The following NKX1-2 variants were observed in gnomAD, a reference collection of about 807,000 sequenced individuals.
NKX1-2 encodes the protein NK1 transcription factor-related protein 2.
Under a neutral mutation model 4.4 loss-of-function variants are expected in NKX1-2, and 1 was observed. The observed-to-expected ratio is 0.23, with a 90% confidence interval of 0.08 to 1.08. The LOEUF is 1.08. NKX1-2 is among the 50% of genes least tolerant of loss of function. The pLI is 0.55. For missense variants in NKX1-2, 503 were observed against 464.6 expected, an observed-to-expected ratio of 1.08 and a Z score of -0.76; for synonymous variants, 235 against 228.0, an observed-to-expected ratio of 1.03 and a Z score of -0.28.
chr10:124,449,845 G>A lies in NKX1-2; in HGVS notation c.99C>T (p.Arg33=). 10 of 1,551,664 alleles carry A rather than the reference G, an allele frequency of 6.4e-6. No individual in the cohort carries two copies. The highest frequency in any genetic ancestry group is 7.8e-6 in the Non-Finnish European group (9 of 1,146,948). ...LDILDPQKFT[R]AALPAVRPAP... ...CCGGGCGCACGGCAGGGAGCGCTGC[G>A]CGGGTGAATTTCTGTGGGTCCAGGA... Residue 33 remains arginine, a synonymous_variant, in exon 1 of 2, where the codon CGC becomes CGT. Coordinates refer to ENST00000451024, the MANE Select transcript of NKX1-2 (RefSeq NM_001146340.3). This position sits in a 1 kb window ranked among gnomAD's most constrained non-coding sequence, Gnocchi z 7.5.
In NKX1-2 at chr10:124,447,146, C is replaced by T. The variant is rs1233336487; in HGVS notation, c.*283G>A. On this transcript the variant is annotated 3_prime_UTR_variant, in exon 2 of 2. Transcript: ENST00000451024. ...GCATCTTGGTTAGCCCCGCGCCGAA[C>T]ACCCAGACCCTCAAAAACTAGCCCC... The T allele has an allele frequency of 3.2e-6, 1 of 311,802 alleles. No homozygotes were observed. Among genetic ancestry groups the T allele is most frequent in the African/African-American group, 2.1e-5 (1 of 46,652 alleles). 19.3% of individuals were successfully genotyped at this position (311,802 alleles called of 1,614,324 possible). A position where few individuals can be genotyped will look rare whatever the true frequency, so the allele number is the denominator to read the frequency against.
At position 124,449,334 on chromosome 10, in the gene NKX1-2, T is replaced by C. The variant is rs150275338; in HGVS notation, c.214+396A>G. 2 of 451,692 alleles carry C rather than the reference T, an allele frequency of 4.4e-6. No homozygotes were observed. The highest frequency in any genetic ancestry group is 6.5e-5 in the East Asian group (1 of 15,378). The allele number at this position is 451,692 out of a possible 1,614,324, so 28.0% of individuals were successfully genotyped here. A position where few individuals can be genotyped will look rare whatever the true frequency, so the allele number is the denominator to read the frequency against. On this transcript the variant is annotated intron_variant, in intron 1 of 1. Coordinates refer to ENST00000451024, the MANE Select transcript of NKX1-2 (RefSeq NM_001146340.3). The surrounding 1 kb of genome is among the most constrained non-coding windows in gnomAD (Gnocchi z 7.5). The stretch of plus-strand genomic sequence containing the variant: ...CATAAAATGGAGGTGATGTTAATGA[T>C]GCTGTCCATCTCTCAGGTTCCGAAG...
rs1952252786 is a variant in NKX1-2, at chr10:124,447,609, G to A, written c.753C>T (p.Gly251=). ...CGCCGGTGCCGGGAGGGCCAGGACT[G>A]CCCCCCGAGCCGCCGCCGCCGCCGC... ...AGGGGGGGSG[G]SPGPPGTGAL... Residue 251 remains glycine (G), a synonymous_variant, in exon 2 of 2, where the codon GGC becomes GGT. Transcript: ENST00000451024. 3 of 1,279,450 alleles carry A rather than the reference G, an allele frequency of 2.3e-6. No individual in the cohort carries two copies. In the African/African-American group the frequency reaches 4.6e-5, roughly 20 times the overall value. The allele number at this position is 1,279,450 out of a possible 1,614,324, so 79.3% of individuals were successfully genotyped here. A position where few individuals can be genotyped will look rare whatever the true frequency, so the allele number is the denominator to read the frequency against.
Position 124,447,924 on chromosome 10 carries a change from G to T in NKX1-2, c.438C>A (p.Pro146=). ...GCCGGCGCCTGGGACGCGGGGAGCC[G>T]GGGGATCCCGGGGGGGACCTCACAG... The part of the protein sequence containing the change: ...GGPVRSPPGS[P]GSPRPRRRRL... Residue 146 remains proline (P), a synonymous_variant, in exon 2 of 2, where the codon CCC becomes CCA. Transcript: ENST00000451024. The T allele has an allele frequency of 1.4e-6, 2 of 1,394,210 alleles. No homozygotes were observed. Among genetic ancestry groups the T allele is most frequent in the Non-Finnish European group, 1.9e-6 (2 of 1,073,108 alleles). The allele number at this position is 1,394,210 out of a possible 1,614,324, so 86.4% of individuals were successfully genotyped here. A position where few individuals can be genotyped will look rare whatever the true frequency, so the allele number is the denominator to read the frequency against.
In NKX1-2 at chr10:124,448,383, G is replaced by T. The variant is rs532840076; in HGVS notation, c.215-236C>A. On this transcript the variant is annotated intron_variant, in intron 1 of 1. Transcript: ENST00000451024. This position sits in a 1 kb window ranked among gnomAD's most constrained non-coding sequence, Gnocchi z 4.1. ...GGCGTCCAAGAAATGTACGCCAAAT[G>T]AATGAATGACACCCCGCATTAAGAA... The T allele has an allele frequency of 5.0e-5, 24 of 480,672 alleles. No homozygotes were observed. The South Asian group carries it at 2.0e-3, about 41-fold the overall frequency. The allele number at this position is 480,672 out of a possible 1,614,324, so 29.8% of individuals were successfully genotyped here. A position where few individuals can be genotyped will look rare whatever the true frequency, so the allele number is the denominator to read the frequency against.
rs557117975 is a variant in NKX1-2 at position 124,449,680 on chromosome 10, G to C, written c.214+50C>G. 6.7e-6 allele frequency: 9 copies of C among 1,346,876 alleles called. No individual in the cohort carries two copies. Among genetic ancestry groups the C allele is most frequent in the Non-Finnish European group, 9.3e-6 (9 of 963,730 alleles). 83.4% of individuals were successfully genotyped at this position (1,346,876 alleles called of 1,614,324 possible). On this transcript the variant is annotated intron_variant, in intron 1 of 1. Transcript: ENST00000451024. This position sits in a 1 kb window ranked among gnomAD's most constrained non-coding sequence, Gnocchi z 7.5. Reference sequence around the variant, plus strand: ...GCCCGGCTGTTCCCCCATACACTCCGCATTGTTGGGGCTGAGGCCTCCTGG... The same window carrying C: ...GCCCGGCTGTTCCCCCATACACTCCCCATTGTTGGGGCTGAGGCCTCCTGG...
In NKX1-2 at chr10:124,446,629, A is replaced by G. The variant is rs1432828069; in HGVS notation, c.*800T>C. 2 of 152,228 alleles carry G rather than the reference A, an allele frequency of 1.3e-5. No homozygotes were observed. Among genetic ancestry groups the G allele is most frequent in the African/African-American group, 4.8e-5 (2 of 41,458 alleles). 9.4% of individuals were successfully genotyped at this position (152,228 alleles called of 1,614,324 possible). A position where few individuals can be genotyped will look rare whatever the true frequency, so the allele number is the denominator to read the frequency against. ...CATCGCTGCCTTCATTATCATTTTT[A>G]TGCCTTTGGGGTCACTGTGTGGTTT... On this transcript the variant is annotated 3_prime_UTR_variant, in exon 2 of 2. Coordinates refer to ENST00000451024, the MANE Select transcript of NKX1-2 (RefSeq NM_001146340.3).
chr10:124,449,400 C>T lies in NKX1-2; in HGVS notation c.214+330G>A. ...TCCCAGCCCTTAGCCCAGGTCCTAG[C>T]ACGTGGCAAGCGCATTAAATGCCCG... On this transcript the variant is annotated intron_variant, in intron 1 of 1. Coordinates refer to ENST00000451024, the MANE Select transcript of NKX1-2 (RefSeq NM_001146340.3). The surrounding 1 kb of genome is among the most constrained non-coding windows in gnomAD (Gnocchi z 7.5). 1 of 583,354 alleles carries T rather than the reference C, an allele frequency of 1.7e-6. No individual in the cohort carries two copies. The highest frequency in any genetic ancestry group is 3.9e-5 in the East Asian group (1 of 25,776). 36.1% of individuals were successfully genotyped at this position (583,354 alleles called of 1,614,324 possible).
At position 124,448,755 on chromosome 10, in the gene NKX1-2, G is replaced by A. The variant is rs1268108408; in HGVS notation, c.215-608C>T. 3.9e-5 allele frequency: 6 copies of A among 152,848 alleles called. No individual in the cohort carries two copies. The East Asian group carries it at 1.2e-3, about 29-fold the overall frequency. The allele number at this position is 152,848 out of a possible 1,614,324, so 9.5% of individuals were successfully genotyped here. A position where few individuals can be genotyped will look rare whatever the true frequency, so the allele number is the denominator to read the frequency against. On this transcript the variant is annotated intron_variant, in intron 1 of 1. Coordinates refer to ENST00000451024, the MANE Select transcript of NKX1-2 (RefSeq NM_001146340.3). This position sits in a 1 kb window ranked among gnomAD's most constrained non-coding sequence, Gnocchi z 4.1. The stretch of plus-strand genomic sequence containing the variant: ...GGGGGTTTGAAGTCGGTACCTGCAA[G>A]CTGCGGGCAGGAGATATGCAGGCGC...
chr10:124,447,922 C>T lies in NKX1-2; in HGVS notation c.440G>A (p.Gly147Asp). Residue 147 changes from glycine (G) to aspartate (D), a missense_variant, in exon 2 of 2, where the codon GGC becomes GAC. Gly to Asp is a moderately conservative substitution (Grantham distance 94). Transcript: ENST00000451024. ...GCGCCGGCGCCTGGGACGCGGGGAG[C>T]CGGGGGATCCCGGGGGGGACCTCAC... ...GPVRSPPGSP[G>D]SPRPRRRRLE... 1.4e-6 allele frequency: 2 copies of T among 1,394,290 alleles called. No homozygotes were observed. Among genetic ancestry groups the T allele is most frequent in the Non-Finnish European group, 9.3e-7 (1 of 1,073,232 alleles). The allele number at this position is 1,394,290 out of a possible 1,614,324, so 86.4% of individuals were successfully genotyped here. A position where few individuals can be genotyped will look rare whatever the true frequency, so the allele number is the denominator to read the frequency against.
chr10:124,449,590 A>G lies in NKX1-2; in HGVS notation c.214+140T>C, dbSNP rs1253275112. 1.4e-6 allele frequency: 1 copy of G among 733,730 alleles called. No individual in the cohort carries two copies. Among genetic ancestry groups the G allele is most frequent in the East Asian group, 2.7e-5 (1 of 37,314 alleles). The allele number at this position is 733,730 out of a possible 1,614,324, so 45.5% of individuals were successfully genotyped here. ...TCTATCCAAGTCCGAGGCGGGGGCT[A>G]CACTTCGCACCCGGTCCCGTGCGCC... On this transcript the variant is annotated intron_variant, in intron 1 of 1. Transcript: ENST00000451024. This position sits in a 1 kb window ranked among gnomAD's most constrained non-coding sequence, Gnocchi z 7.5.
At position 124,449,656 on chromosome 10, in the gene NKX1-2, C is replaced by T; in HGVS notation, c.214+74G>A. ...ACGCTGTTAAGGGCCACTCACCGGG[C>T]CCGGCTGTTCCCCCATACACTCCGC... On this transcript the variant is annotated intron_variant, in intron 1 of 1. Transcript: ENST00000451024. The surrounding 1 kb of genome is among the most constrained non-coding windows in gnomAD (Gnocchi z 7.5). 1 of 1,133,292 alleles carries T rather than the reference C, an allele frequency of 8.8e-7. No homozygotes were observed. Among genetic ancestry groups the T allele is most frequent in the Non-Finnish European group, 1.3e-6 (1 of 773,350 alleles). The allele number at this position is 1,133,292 out of a possible 1,614,324, so 70.2% of individuals were successfully genotyped here.
rs763369952 is a variant in NKX1-2 at position 124,449,930 on chromosome 10, T to G, written c.14A>C (p.Gln5Pro). The G allele has an allele frequency of 1.9e-4, 298 of 1,542,038 alleles. 2 individuals carry two copies. Among genetic ancestry groups the G allele is most frequent in the South Asian group, 8.0e-4 (67 of 83,772 alleles). MLAW[Q>P]DGGAKAAPSH... ...GGGAGCCGCCTTGGCCCCGCCGTCC[T>G]GCCATGCCAGCATGCCCGTCGCCCA... Residue 5 changes from glutamine to proline, a missense_variant, in exon 1 of 2, where the codon CAG becomes CCG. Gln to Pro is a moderately conservative substitution (Grantham distance 76). Coordinates refer to ENST00000451024, the MANE Select transcript of NKX1-2 (RefSeq NM_001146340.3). The surrounding 1 kb of genome is among the most constrained non-coding windows in gnomAD (Gnocchi z 7.5).
At position 124,446,080 on chromosome 10, in the gene NKX1-2, G is replaced by A. The variant is rs1952234643; in HGVS notation, c.*1349C>T. ...AGAATGAAACATACATGACACAACTGGGGACCTCTGGGTTTCTGAGACGTG... is the reference window on the plus strand; with the variant it reads ...AGAATGAAACATACATGACACAACTAGGGACCTCTGGGTTTCTGAGACGTG... On this transcript the variant is annotated 3_prime_UTR_variant, in exon 2 of 2. Transcript: ENST00000451024. The A allele has an allele frequency of 6.6e-6, 1 of 152,140 alleles. No homozygotes were observed. Among genetic ancestry groups the A allele is most frequent in the African/African-American group, 2.4e-5 (1 of 41,424 alleles). The allele number at this position is 152,140 out of a possible 1,614,324, so 9.4% of individuals were successfully genotyped here.
Position 124,447,878 on chromosome 10 carries a change from T to C in NKX1-2, c.484A>G (p.Lys162Glu). The change falls in exon 2 of 2, where the codon AAG becomes GAG. Residue 162 changes from lysine (K) to glutamate (E), a missense_variant. Coordinates refer to ENST00000451024, the MANE Select transcript of NKX1-2 (RefSeq NM_001146340.3). ...AAGGCGGTGCGCGCGCGCCGCGGCT[T>C]GGCGCAGTTGGGCTCCAGGCGCCGG... is the stretch of plus-strand genomic sequence containing the variant. Reference protein sequence around the residue: ...RRRRLEPNCAKPRRARTAFTY... With the variant: ...RRRRLEPNCAEPRRARTAFTY... The C allele has an allele frequency of 7.0e-7, 1 of 1,434,350 alleles. No individual in the cohort carries two copies. The allele number at this position is 1,434,350 out of a possible 1,614,324, so 88.9% of individuals were successfully genotyped here. A position where few individuals can be genotyped will look rare whatever the true frequency, so the allele number is the denominator to read the frequency against.
chr10:124,449,612 C>T lies in NKX1-2; in HGVS notation c.214+118G>A. 2.5e-6 allele frequency: 2 copies of T among 801,468 alleles called. No homozygotes were observed. Among genetic ancestry groups the T allele is most frequent in the Non-Finnish European group, 4.2e-6 (2 of 475,334 alleles). 49.6% of individuals were successfully genotyped at this position (801,468 alleles called of 1,614,324 possible). ...GCTACACTTCGCACCCGGTCCCGTG[C>T]GCCTTCTCTCTGAGGAAGACGCTGT... On this transcript the variant is annotated intron_variant, in intron 1 of 1. Transcript: ENST00000451024. The surrounding 1 kb of genome is among the most constrained non-coding windows in gnomAD (Gnocchi z 7.5).
chr10:124,449,892 T>C lies in NKX1-2; in HGVS notation c.52A>G (p.Ile18Val). Residue 18 changes from isoleucine (I) to valine (V), a missense_variant, in exon 1 of 2, where the codon ATT (isoleucine) becomes GTT (valine). Transcript: ENST00000451024. This position sits in a 1 kb window ranked among gnomAD's most constrained non-coding sequence, Gnocchi z 7.5. ...AGGATGTCCAGGACAGAGAAAGAAA[T>C]CTTGTGGTGGGAGGGAGCCGCCTTG... ...GAKAAPSHHK[I>V]SFSVLDILDP... is the part of the protein sequence containing the mutation. The C allele has an allele frequency of 2.6e-6, 4 of 1,550,244 alleles. No homozygotes were observed. Among genetic ancestry groups the C allele is most frequent in the Non-Finnish European group, 3.5e-6 (4 of 1,145,930 alleles).
At position 124,447,657 on chromosome 10, in the gene NKX1-2, C is replaced by A; in HGVS notation, c.705G>T (p.Ala235=). The A allele has an allele frequency of 7.5e-7, 1 of 1,341,962 alleles. No individual in the cohort carries two copies. The highest frequency in any genetic ancestry group is 9.6e-7 in the Non-Finnish European group (1 of 1,040,008). 83.1% of individuals were successfully genotyped at this position (1,341,962 alleles called of 1,614,324 possible). ...ADGAAQVGGG[A]PQPGAAGGGG... is the part of the protein sequence containing the mutation. Reference sequence around the variant, plus strand: ...CGCCCCCCGCCGCCCCTGGCTGGGGCGCGCCACCCCCCACCTGCGCCGCGC... The same window carrying A: ...CGCCCCCCGCCGCCCCTGGCTGGGGAGCGCCACCCCCCACCTGCGCCGCGC... Residue 235 remains alanine, a synonymous_variant, in exon 2 of 2, where the codon GCG becomes GCT. Coordinates refer to ENST00000451024, the MANE Select transcript of NKX1-2 (RefSeq NM_001146340.3).
Position 124,447,356 on chromosome 10 carries a change from G to A in NKX1-2, c.*73C>T. On this transcript the variant is annotated 3_prime_UTR_variant, in exon 2 of 2. Coordinates refer to ENST00000451024, the MANE Select transcript of NKX1-2 (RefSeq NM_001146340.3). ...ACACCCGCGCACCTGCACCCCCGGT[G>A]GAGGAGCCGAGGGCACACGACGATG... 1.0e-6 allele frequency: 1 copy of A among 954,998 alleles called. No individual in the cohort carries two copies. The highest frequency in any genetic ancestry group is 1.4e-6 in the Non-Finnish European group (1 of 736,178). 59.2% of individuals were successfully genotyped at this position (954,998 alleles called of 1,614,324 possible).
Sources: gnomAD v4.1 joint callset for allele counts on GRCh38, gnomAD v4.1.1 for gene constraint, Gnocchi (gnomAD v3.1) non-coding constraint, MANE v1.5 for transcripts, NCBI Gene and HGNC (gene_info 2026-07-23, HGNC 2026-07-21) for gene names.